HDAC9: variants seen among roughly 807,000 people sequenced by gnomAD.
HDAC9 encodes MEF-2 interacting transcription repressor (MITR) protein.
A neutral mutation model predicts 139.4 loss-of-function variants in HDAC9; 41 were observed. That is an observed-to-expected ratio of 0.29 (90% CI 0.23 to 0.38). The LOEUF (loss-of-function observed/expected upper bound fraction) is 0.38. Ranked by LOEUF, HDAC9 falls within the 10% of genes least tolerant of loss-of-function variation. The pLI is 1.00. For synonymous variants in HDAC9, 517 were observed against 476.2 expected (o/e 1.09, Z -1.12); for missense variants, 1,147 against 1,297.0 (o/e 0.88, Z 1.78).
At chr7:18,747,972 GGTT>G (rs1788128112) in intron 13 of HDAC9, among the ~76,000 whole-genome samples, 2 of 151,762 alleles carry the variant, frequency 1.3e-5, no homozygotes, top group East Asian at 1.9e-4. Flanking sequence ...GATTTTTTTT[GGTT>G]GTTGTTGTAA....
At chr7:18,810,547 G>A (rs1001726838) in intron 17 of HDAC9, among the ~76,000 whole-genome samples, 2 of 151,870 alleles carry the variant, frequency 1.3e-5, no homozygotes, top group African/African-American at 2.4e-5. Context: ...ACAGTGTAAT[G>A]TACACTGAAT....
intron 1 of HDAC9, among the ~76,000 whole-genome samples, chr7:18,126,708 C>T (rs575889364): frequency 6.6e-6 from 1 of 152,190 alleles, no homozygotes; most frequent in South Asian, 2.1e-4. Flanking sequence ...ACAGAAAGTC[C>T]AATCATTCTG....
chr7:18,969,873 C>T (rs1326415817), intron 24 of HDAC9, among the ~76,000 whole-genome samples: 4 of 151,988 alleles, frequency 2.6e-5, no homozygotes, highest in Non-Finnish European at 4.4e-5. Flanking sequence ...AAATGTTTGC[C>T]AAAGTGGAGT....
chr7:18,916,022 G>GGAAAAAAAAAAAAA (rs1491394538), intron 22 of HDAC9, among the ~76,000 whole-genome samples: 3,799 of 137,576 alleles, frequency 0.028, 85 homozygotes, highest in South Asian at 0.06. Context: ...CCCCCCGCTG[G>GGAAAAAAAAAAAAA]AAAAAAAAAA....
chr7:18,403,176 C>A (rs1007900140), intron 1 of HDAC9, among the ~76,000 whole-genome samples: 1 of 152,004 alleles, frequency 6.6e-6, no homozygotes, highest in Admixed American at 6.6e-5. Flanking sequence ...TTAAATTTCC[C>A]AGTTAAGTGT....
chr7:18,579,445 C>T (rs189091400), intron 2 of HDAC9, among the ~76,000 whole-genome samples: 6 of 152,268 alleles, frequency 3.9e-5, no homozygotes, highest in Admixed American at 2.0e-4. Context: ...CAGCCTCTTC[C>T]CATGGAGTTA....
chr7:18,210,128 A>G (rs1296161096), intron 2 of HDAC9, among the ~76,000 whole-genome samples: 1 of 152,154 alleles, frequency 6.6e-6, no homozygotes, highest in Non-Finnish European at 1.5e-5. Flanking sequence ...GCACAGTAGG[A>G]ATTCTTTAAA....
At chr7:18,414,466 A>T (rs991271845) in intron 1 of HDAC9, among the ~76,000 whole-genome samples, 3 of 152,088 alleles carry the variant, frequency 2.0e-5, no homozygotes, top group Non-Finnish European at 4.4e-5. Flanking sequence ...TCTCAGCCTA[A>T]CTACAAGGAC....
intron 12 of HDAC9, among the ~76,000 whole-genome samples, chr7:18,703,354 T>A (rs1219853926): frequency 6.6e-6 from 1 of 152,154 alleles, no homozygotes; most frequent in East Asian, 1.9e-4. Context: ...TATTCATATA[T>A]CAAAAAGCAC....
intron 21 of HDAC9, among the ~76,000 whole-genome samples, chr7:18,863,522 C>G (rs1316605706): frequency 6.6e-6 from 1 of 152,198 alleles, no homozygotes; most frequent in Non-Finnish European, 1.5e-5. Flanking sequence ...TCTTCGTCTT[C>G]TAATGTGGCC....
chr7:18,686,005 A>T (rs1782241761), intron 12 of HDAC9, among the ~76,000 whole-genome samples: 1 of 151,988 alleles, frequency 6.6e-6, no homozygotes, highest in Non-Finnish European at 1.5e-5. Flanking sequence ...TCACCATTTC[A>T]TATTTACCAA....
At chr7:18,569,060 A>G (rs955648646) in intron 2 of HDAC9, among the ~76,000 whole-genome samples, 5 of 147,704 alleles carry the variant, frequency 3.4e-5, no homozygotes, top group Non-Finnish European at 6.1e-5. Context: ...AAAAATAAAT[A>G]AATAAATAAA....
chr7:18,294,424 A>G (rs916756960), intron 1 of HDAC9, among the ~76,000 whole-genome samples: 6 of 151,790 alleles, frequency 4.0e-5, no homozygotes, highest in South Asian at 2.1e-4. Flanking sequence ...AGCGTATCCT[A>G]TAGTCTTTGG....
At chr7:18,499,958 T>C (rs1442818257) in intron 2 of HDAC9, among the ~76,000 whole-genome samples, 1 of 152,142 alleles carries the variant, frequency 6.6e-6, no homozygotes, top group East Asian at 1.9e-4. Context: ...GTCTGTGAAA[T>C]GTTCCTGTCA....
chr7:18,534,617 G>A (rs777130151), intron 2 of HDAC9, among the ~76,000 whole-genome samples: 24 of 152,164 alleles, frequency 1.6e-4, no homozygotes, highest in Non-Finnish European at 2.4e-4. Context: ...CTCACCTTAT[G>A]AGTCGTTAGG....
intron 21 of HDAC9, among the ~76,000 whole-genome samples, chr7:18,859,941 A>C (rs1443882881): frequency 1.3e-5 from 2 of 148,526 alleles, no homozygotes; most frequent in Non-Finnish European, 3.0e-5. Context: ...CTTTGGCTTT[A>C]TGCAATAATA....
chr7:18,948,166 G>A (rs191188156), intron 23 of HDAC9, among the ~76,000 whole-genome samples: 50 of 151,922 alleles, frequency 3.3e-4, no homozygotes, highest in Admixed American at 1.1e-3. Context: ...AAAACAAGAC[G>A]AAGATACTCT....
chr7:18,418,829 G>C (rs1030434572), intron 1 of HDAC9, among the ~76,000 whole-genome samples: 6 of 151,886 alleles, frequency 4.0e-5, no homozygotes, highest in Non-Finnish European at 8.8e-5. Context: ...ATGCTATGTG[G>C]AGTCCCCATA....
rs545704853 is a variant in HDAC9, at chr7:18,401,173, A to G, written c.-41-95089A>G. ...TAGTTGGTATTTTTAATGAAGTGTT[A>G]TCCACTTAAAGTGTGATATAATTGT... On this transcript the variant is annotated intron_variant, in intron 1 of 3. Coordinates refer to the HDAC9 transcript ENST00000413509. 4.7e-4 allele frequency among the ~76,000 whole-genome samples: 72 copies of G among 152,296 alleles called. 1 individual carries two copies. Among genetic ancestry groups the G allele is most frequent in the Admixed American group, 3.8e-3 (58 of 15,302 alleles).
Sources: gnomAD v4.1 joint callset for allele counts (sites outside exome capture counted in the v4.1 genomes callset) on GRCh38, gnomAD v4.1.1 for gene constraint, MANE v1.5 for transcripts, NCBI Gene and HGNC (gene_info 2026-07-23, HGNC 2026-07-21) for gene names.